Variants in GUCY1A1 observed in about 807,000 individuals in gnomAD.
The protein encoded by GUCY1A1 is guanylate cyclase 1 soluble subunit alpha 1.
In GUCY1A1, 48 loss-of-function variants were observed where a neutral mutation model predicts 64.5. The observed-to-expected ratio is 0.74, with a 90% CI of 0.59 to 0.95. GUCY1A1 has a LOEUF of 0.95. Ranked by LOEUF, GUCY1A1 falls within the 40% of genes least tolerant of loss-of-function variation. The pLI, the probability that GUCY1A1 is intolerant of heterozygous loss-of-function variation, is 0.00. For synonymous variants in GUCY1A1, 308 were observed against 303.4 expected (o/e 1.02, Z -0.16); for missense variants, 804 against 825.3 (o/e 0.97, Z 0.32).
intron 7 of GUCY1A1, among the ~76,000 whole-genome samples, chr4:155,715,188 T>G (rs1733069611): frequency 6.6e-6 from 1 of 152,144 alleles, no homozygotes; most frequent in South Asian, 2.1e-4. Context: ...TTTTTTCACT[T>G]CTGATTTTGC....
intron 2 of GUCY1A1, among the ~76,000 whole-genome samples, chr4:155,692,605 G>A (rs1729890966): frequency 6.6e-6 from 1 of 152,134 alleles, no homozygotes; most frequent in Admixed American, 6.5e-5. Flanking sequence ...GCCTTCTTTT[G>A]AAAAGTGTCT....
At chr4:155,686,332 T>A (rs1045685601) in intron 2 of GUCY1A1, among the ~76,000 whole-genome samples, 3 of 151,336 alleles carry the variant, frequency 2.0e-5, no homozygotes, top group Non-Finnish European at 2.9e-5. Context: ...AAAAAAAAAA[T>A]TAGCCGGGCG....
Position 155,710,303 on chromosome 4 carries a change from C to T in GUCY1A1, c.377-239C>T, listed in dbSNP as rs1252253593. On this transcript the variant is annotated intron_variant, in intron 5 of 9. Transcript: ENST00000506455. Reference sequence around the variant, plus strand: ...GGGAGATAAAAAGTTGTGTATTATACTCAACCGGTCATTCTTTTTTAATGA... The same window carrying T: ...GGGAGATAAAAAGTTGTGTATTATATTCAACCGGTCATTCTTTTTTAATGA... Among the ~76,000 whole-genome samples, 2 of 152,148 alleles carry T rather than the reference C, an allele frequency of 1.3e-5. 1 individual carries two copies. Among genetic ancestry groups the T allele is most frequent in the Non-Finnish European group, 2.9e-5 (2 of 68,034 alleles).
At chr4:155,688,203 G>C (rs1258106672) in intron 2 of GUCY1A1, among the ~76,000 whole-genome samples, 3 of 151,876 alleles carry the variant, frequency 2.0e-5, no homozygotes, top group East Asian at 1.9e-4. Context: ...ACTCCAGCCT[G>C]GGCGACAGAG....
At chr4:155,699,831 A>T (rs1730854669) in intron 3 of GUCY1A1, among the ~76,000 whole-genome samples, 1 of 152,164 alleles carries the variant, frequency 6.6e-6, no homozygotes, top group Non-Finnish European at 1.5e-5. Flanking sequence ...AATCAGAATT[A>T]ACTTCCTGGT....
At chr4:155,678,250 A>G (rs1735232075) in intron 2 of GUCY1A1, among the ~76,000 whole-genome samples, 1 of 152,206 alleles carries the variant, frequency 6.6e-6, no homozygotes, top group Non-Finnish European at 1.5e-5. Context: ...TGAGAATGAA[A>G]AAGGTGCATA....
chr4:155,728,724 G>T lies in GUCY1A1; in HGVS notation c.1872-1306G>T, dbSNP rs72972464. ...GTTACCAATATGATAGGTGTGGTGT[G>T]ATTTCTAATTGATGCTTAGTCAGTT... is the stretch of plus-strand genomic sequence containing the variant. On this transcript the variant is annotated intron_variant, in intron 9 of 9. Coordinates refer to ENST00000506455, the MANE Select transcript of GUCY1A1 (RefSeq NM_001130682.3). 5.5e-3 allele frequency among the ~76,000 whole-genome samples: 830 copies of T among 151,810 alleles called. 6 individuals carry two copies. Among genetic ancestry groups the T allele is most frequent in the African/African-American group, 0.019 (806 of 41,462 alleles).
chr4:155,685,603 G>GTTTTTTTTTTTTTT (rs70954055), intron 2 of GUCY1A1, among the ~76,000 whole-genome samples: 9 of 108,898 alleles, frequency 8.3e-5, no homozygotes, highest in South Asian at 3.9e-4. Context: ...TTCTCCTTGT[G>GTTTTTTTTTTTTTT]TTTTTTTTTT....
chr4:155,683,806 T>A (rs1411340388), intron 2 of GUCY1A1, among the ~76,000 whole-genome samples: 1 of 152,196 alleles, frequency 6.6e-6, no homozygotes, highest in Non-Finnish European at 1.5e-5. Context: ...CCTCAAAAGA[T>A]GATGAAGTGT....
chr4:155,704,753 T>G (rs1295181221), intron 4 of GUCY1A1, among the ~76,000 whole-genome samples: 1 of 152,192 alleles, frequency 6.6e-6, no homozygotes, highest in Admixed American at 6.5e-5. Flanking sequence ...GGTCTCACTC[T>G]GTCATCCAGG....
intron 5 of GUCY1A1, among the ~76,000 whole-genome samples, 159 bp downstream of exon 5, chr4:155,708,453 A>G (rs948121692): frequency 1.3e-5 from 2 of 152,142 alleles, no homozygotes; most frequent in African/African-American, 4.8e-5. Flanking sequence ...TTGATACTAT[A>G]TGTTTTTGTT....
At chr4:155,705,083 G>A (rs765298259) in intron 4 of GUCY1A1, among the ~76,000 whole-genome samples, 2 of 152,118 alleles carry the variant, frequency 1.3e-5, no homozygotes, top group South Asian at 2.1e-4. Context: ...GTAGAGATGG[G>A]GTTTCACCGT....
chr4:155,713,983 G>T (rs939565167), intron 7 of GUCY1A1, among the ~76,000 whole-genome samples: 5 of 152,156 alleles, frequency 3.3e-5, no homozygotes, highest in African/African-American at 1.2e-4. Flanking sequence ...GCTTATACAA[G>T]GAAACATTAT....
chr4:155,708,453 A>C (rs948121692), intron 5 of GUCY1A1, among the ~76,000 whole-genome samples, 159 bp downstream of exon 5: 1 of 152,142 alleles, frequency 6.6e-6, no homozygotes, highest in Admixed American at 6.5e-5. Flanking sequence ...TTGATACTAT[A>C]TGTTTTTGTT....
chr4:155,700,303 C>T (rs1330497923), intron 3 of GUCY1A1, among the ~76,000 whole-genome samples: 1 of 152,042 alleles, frequency 6.6e-6, no homozygotes, highest in Non-Finnish European at 1.5e-5. Flanking sequence ...TGAAGAGAAT[C>T]ACGAGGTCTG....
At chr4:155,712,388 T>C (rs1317941815) in intron 6 of GUCY1A1, among the ~76,000 whole-genome samples, 1 of 152,086 alleles carries the variant, frequency 6.6e-6, no homozygotes, top group Non-Finnish European at 1.5e-5. Context: ...CGCCTCGTTC[T>C]CCTAAGCTCT....
At chr4:155,706,546 T>A (rs536371259) in intron 4 of GUCY1A1, among the ~76,000 whole-genome samples, 14 of 143,524 alleles carry the variant, frequency 9.8e-5, no homozygotes, top group Middle Eastern at 3.4e-3. Flanking sequence ...AGTGAATGAG[T>A]GTTAGTATAG....
chr4:155,722,248 A>C, intron 9 of GUCY1A1, 56 bp downstream of exon 9: 1 of 1,567,564 alleles, frequency 6.4e-7, no homozygotes, highest in Non-Finnish European at 8.7e-7. Context: ...TACAATTGCC[A>C]TTTGCCCCAC....
rs1732522509 is a variant in GUCY1A1, at chr4:155,711,180, A to G, written c.1015A>G (p.Met339Val). The G allele has an allele frequency of 2.5e-6, 4 of 1,613,758 alleles. No homozygotes were observed. The highest frequency in any genetic ancestry group is 1.1e-5 in the South Asian group (1 of 91,090). ...PKINQTFSGI[M>V]TMLNMQFVVR... The stretch of plus-strand genomic sequence containing the variant: ...AATCAACCAGACGTTTAGCGGGATC[A>G]TGACTATGTTGAATATGCAGTTTGT... Residue 339 changes from methionine (M) to valine (V), a missense_variant, in exon 6 of 10, where the codon ATG becomes GTG. Physicochemically the swap from Met to Val is conservative, Grantham distance 21. Transcript: ENST00000506455.
Sources: gnomAD v4.1 joint callset for allele counts (sites outside exome capture counted in the v4.1 genomes callset) on GRCh38, gnomAD v4.1.1 for gene constraint, MANE v1.5 for transcripts, NCBI Gene and HGNC (gene_info 2026-07-23, HGNC 2026-07-21) for gene names.